Variants in FAM81B observed in about 807,000 individuals in gnomAD.
FAM81B encodes the protein family with sequence similarity 81 member B.
A neutral mutation model predicts 58.7 loss-of-function variants in FAM81B; 60 were observed. The ratio of observed to expected loss-of-function variants is 1.02; its 90% CI spans 0.83 to 1.27. The LOEUF (loss-of-function observed/expected upper bound fraction) is 1.27. Among genes scored for constraint, FAM81B ranks in the 50% most tolerant of loss-of-function variants. The probability of loss-of-function intolerance (pLI) is 0.00; values close to 1 mark genes in which losing one functional copy is unlikely to be tolerated. For missense variants in FAM81B, 491 were observed against 522.0 expected (o/e 0.94, Z 0.58); for synonymous variants, 189 against 179.6 (o/e 1.05, Z -0.42).
intron 6 of FAM81B, among the ~76,000 whole-genome samples, chr5:95,430,710 T>G (rs1485200273): frequency 6.6e-6 from 1 of 152,002 alleles, no homozygotes; most frequent in African/African-American, 2.4e-5. Flanking sequence ...CAAAATAGAA[T>G]AAATAAAAGC....
Position 95,427,027 on chromosome 5 carries a change from C to T in FAM81B, c.657-1576C>T, listed in dbSNP as rs972256865. On this transcript the variant is annotated intron_variant, in intron 5 of 9. Coordinates refer to ENST00000283357, the MANE Select transcript of FAM81B (RefSeq NM_152548.3). ...TTGTGCCACTGCACTCCAGCCTGGGCGATAGAGCAAGACTCCGTCTCAAAA... is the reference window on the plus strand; with the variant it reads ...TTGTGCCACTGCACTCCAGCCTGGGTGATAGAGCAAGACTCCGTCTCAAAA... 5.9e-5 allele frequency among the ~76,000 whole-genome samples: 9 copies of T among 151,554 alleles called. No individual in the cohort carries two copies. In the South Asian group the frequency reaches 6.2e-4, roughly 10 times the overall value.
intron 3 of FAM81B, among the ~76,000 whole-genome samples, chr5:95,407,396 ACACACACACACACG>A (rs1401705850): frequency 6.7e-6 from 1 of 150,192 alleles, no homozygotes; most frequent in Non-Finnish European, 1.5e-5. Context: ...TCTTTTACAC[ACACACACACACACG>A]CACACACACA....
At position 95,438,955 on chromosome 5, in the gene FAM81B, G is replaced by T. The variant is rs568221885; in HGVS notation, c.893+2049G>T. 2.6e-5 allele frequency among the ~76,000 whole-genome samples: 4 copies of T among 151,028 alleles called. No individual in the cohort carries two copies. In the South Asian group the frequency reaches 8.3e-4, roughly 31 times the overall value. ...TATTATATGTATAGAGGAAGCATGGGTTTTAAAAATAATTTCTATACCTAT... is the reference window on the plus strand; with the variant it reads ...TATTATATGTATAGAGGAAGCATGGTTTTTAAAAATAATTTCTATACCTAT... On this transcript the variant is annotated intron_variant, in intron 7 of 9. Coordinates refer to ENST00000283357, the MANE Select transcript of FAM81B (RefSeq NM_152548.3).
intron 6 of FAM81B, 99 bp downstream of exon 6, chr5:95,428,831 G>C: frequency 6.6e-7 from 1 of 1,518,882 alleles, no homozygotes; most frequent in South Asian, 1.2e-5. Flanking sequence ...TTTTTTAAGA[G>C]AACTCTTTTC....
intron 3 of FAM81B, among the ~76,000 whole-genome samples, chr5:95,406,907 T>A (rs1282227861): frequency 6.6e-6 from 1 of 152,194 alleles, no homozygotes; most frequent in African/African-American, 2.4e-5. Flanking sequence ...CGATTTACTT[T>A]AGCTCCCATG....
chr5:95,408,075 TGAGAGAGAGAGAGA>T (rs10567707), intron 3 of FAM81B, among the ~76,000 whole-genome samples: 17 of 130,330 alleles, frequency 1.3e-4, no homozygotes, highest in Middle Eastern at 3.6e-3. Flanking sequence ...TCCCCCAAAA[TGAGAGAGAGAGAGA>T]GAGAGAGAGA....
intron 6 of FAM81B, among the ~76,000 whole-genome samples, chr5:95,433,054 A>T (rs1378576403): frequency 6.6e-6 from 1 of 152,062 alleles, no homozygotes; most frequent in Non-Finnish European, 1.5e-5. Flanking sequence ...TTTAACATGT[A>T]GTATTCTCAT....
chr5:95,425,224 A>G (rs1762792151), intron 5 of FAM81B, among the ~76,000 whole-genome samples: 3 of 152,076 alleles, frequency 2.0e-5, no homozygotes, highest in Admixed American at 2.0e-4. Flanking sequence ...CTTGAAATAC[A>G]GATGTGAATC....
At chr5:95,434,573 C>T (rs189502557) in intron 6 of FAM81B, among the ~76,000 whole-genome samples, 1 of 152,348 alleles carries the variant, frequency 6.6e-6, no homozygotes, top group African/African-American at 2.4e-5. Context: ...TTTTGCTCTA[C>T]AGCATCGCAC....
At position 95,447,204 on chromosome 5, in the gene FAM81B, C is replaced by A. The variant is rs1488130096; in HGVS notation, c.1029+507C>A. Among the ~76,000 whole-genome samples the A allele has an allele frequency of 4.6e-5, 7 of 152,286 alleles. No homozygotes were observed. In the East Asian group the frequency reaches 1.2e-3, roughly 25 times the overall value. On this transcript the variant is annotated intron_variant, in intron 8 of 9. Coordinates refer to ENST00000283357, the MANE Select transcript of FAM81B (RefSeq NM_152548.3). ...GAAATATACTTATTTCAGGGGTCCC[C>A]TCTCCCACTGCAACCAGCACACCTT...
chr5:95,404,774 A>G lies in FAM81B; in HGVS notation c.293+8599A>G, dbSNP rs1762202392. Among the ~76,000 whole-genome samples the G allele has an allele frequency of 2.0e-5, 3 of 152,372 alleles. No homozygotes were observed. The South Asian group carries it at 6.2e-4, about 32-fold the overall frequency. On this transcript the variant is annotated intron_variant, in intron 3 of 9. Transcript: ENST00000283357. Reference sequence around the variant, plus strand: ...AGAACATGCTAGAAAAGTGCCTCACATAGGGAGCTCTCATTCTAGTGATGG... The same window carrying G: ...AGAACATGCTAGAAAAGTGCCTCACGTAGGGAGCTCTCATTCTAGTGATGG...
chr5:95,423,924 T>C (rs1762754198), intron 5 of FAM81B: 1 of 960,146 alleles, frequency 1.0e-6, no homozygotes, highest in Non-Finnish European at 1.4e-6. Context: ...CAGCATTACT[T>C]AGAGGCTCGG....
At chr5:95,397,496 C>T (rs144481479) in intron 3 of FAM81B, among the ~76,000 whole-genome samples, 6 of 152,288 alleles carry the variant, frequency 3.9e-5, no homozygotes, top group East Asian at 1.9e-4. Flanking sequence ...TCTTCTGATC[C>T]GTCAAATTCT....
At chr5:95,428,467 T>TAC (rs1275870022) in intron 5 of FAM81B, 136 bp from the exon 6 acceptor site, 2 of 1,052,148 alleles carry the variant, frequency 1.9e-6, no homozygotes, top group African/African-American at 1.6e-5. Flanking sequence ...GATTCCTGAA[T>TAC]ACACTCCTAT....
intron 6 of FAM81B, 90 bp from the exon 7 acceptor site, chr5:95,436,710 T>A (rs1745114211): frequency 4.7e-6 from 4 of 850,552 alleles, no homozygotes; most frequent in Non-Finnish European, 7.9e-6. Context: ...TATATTAATC[T>A]GTTTCCCGGC....
rs771389119 is a variant in FAM81B, at chr5:95,450,301, T to A, written c.*19T>A. 1.1e-5 allele frequency: 17 copies of A among 1,608,850 alleles called. No homozygotes were observed. The highest frequency in any genetic ancestry group is 8.5e-5 in the Admixed American group (5 of 59,094). On this transcript the variant is annotated 3_prime_UTR_variant, in exon 10 of 10. Coordinates refer to ENST00000283357, the MANE Select transcript of FAM81B (RefSeq NM_152548.3). ...AGTATAAACCTTTTCAGTCATCTTC[T>A]TTTTCATCAGCCAATGGAGTGATTT... is the stretch of plus-strand genomic sequence containing the variant.
chr5:95,412,287 A>G (rs1762426478), intron 3 of FAM81B, among the ~76,000 whole-genome samples: 1 of 152,188 alleles, frequency 6.6e-6, no homozygotes, highest in South Asian at 2.1e-4. Context: ...CCATCTTTGC[A>G]TAATTTTTCT....
intron 3 of FAM81B, chr5:95,410,637 A>G (rs115439790): frequency 3.7e-4 from 56 of 152,336 alleles, no homozygotes; most frequent in Non-Finnish European, 6.9e-4. Context: ...ATATATCTAT[A>G]CATCTACATA....
intron 1 of FAM81B, 118 bp from the exon 2 acceptor site, chr5:95,392,676 C>G (rs1344948768): frequency 2.7e-6 from 2 of 744,396 alleles, no homozygotes; most frequent in Admixed American, 3.0e-5. Flanking sequence ...AAATTGAAAG[C>G]CTCCCTTTAA....
Sources: allele counts gnomAD v4.1 joint callset (sites outside exome capture counted in the v4.1 genomes callset), GRCh38; gene constraint gnomAD v4.1.1; transcripts MANE v1.5; gene names NCBI Gene and HGNC (gene_info 2026-07-23, HGNC 2026-07-21).